The following ANXA3 variants were observed in gnomAD, a reference collection of about 807,000 sequenced individuals.
ANXA3 encodes the protein 35-alpha calcimedin.
In ANXA3, 46 loss-of-function variants were observed where a neutral mutation model predicts 48.8. The ratio of observed to expected loss-of-function variants is 0.94; its 90% confidence interval spans 0.74 to 1.21. The LOEUF is 1.21. Among genes scored for constraint, ANXA3 ranks in the 50% most tolerant of loss-of-function variants. ANXA3 has a pLI of 0.00. For missense variants in ANXA3, 383 were observed against 378.6 expected (o/e 1.01, Z -0.10); for synonymous variants, 128 against 134.7 (o/e 0.95, Z 0.35).
chr4:78,598,754 G>T (rs1020037982), intron 10 of ANXA3, among the ~76,000 whole-genome samples: 3 of 151,858 alleles, frequency 2.0e-5, no homozygotes, highest in Non-Finnish European at 4.4e-5. Context: ...TGGCCGGGGT[G>T]GTCTCAAATT....
intron 2 of ANXA3, among the ~76,000 whole-genome samples, chr4:78,564,383 G>C (rs1189566995): frequency 6.6e-6 from 1 of 152,164 alleles, no homozygotes; most frequent in African/African-American, 2.4e-5. Context: ...CAACTCATCG[G>C]GCAGCCAACC....
intron 11 of ANXA3, 161 bp downstream of exon 11, chr4:78,601,729 C>G: frequency 1.8e-6 from 1 of 542,690 alleles, no homozygotes; most frequent in Non-Finnish European, 3.2e-6. Flanking sequence ...ACAATACACT[C>G]TTTACACAGA....
At chr4:78,552,067 G>A (rs1426001279) in intron 1 of ANXA3, 3 of 152,366 alleles carry the variant, frequency 2.0e-5, no homozygotes, top group African/African-American at 7.2e-5. Flanking sequence ...TTTCAGAGTC[G>A]AGGAGACTGG....
intron 2 of ANXA3, among the ~76,000 whole-genome samples, chr4:78,565,011 T>C (rs1316851163): frequency 1.7e-5 from 2 of 114,368 alleles, no homozygotes; most frequent in African/African-American, 7.0e-5. Context: ...TTTTTTTTTT[T>C]GAGATGGAGT....
At chr4:78,588,195 C>T (rs1303356344) in intron 6 of ANXA3, among the ~76,000 whole-genome samples, 1 of 151,996 alleles carries the variant, frequency 6.6e-6, no homozygotes, top group African/African-American at 2.4e-5. Flanking sequence ...AGTTTAAGAC[C>T]AGCCCAGGCA....
chr4:78,598,829 C>A (rs1723480307), intron 10 of ANXA3, among the ~76,000 whole-genome samples: 1 of 151,806 alleles, frequency 6.6e-6, no homozygotes, highest in Admixed American at 6.5e-5. Context: ...CTTGAGCCAC[C>A]ACCCCTGGCC....
intron 3 of ANXA3, 135 bp downstream of exon 3, chr4:78,573,402 G>A (rs777852494): frequency 1.8e-5 from 12 of 651,704 alleles, no homozygotes; most frequent in African/African-American, 9.2e-5. Flanking sequence ...GTGAAATAAC[G>A]AGGAAATATA....
At chr4:78,582,712 T>G (rs557616768) in intron 5 of ANXA3, among the ~76,000 whole-genome samples, 2 of 152,342 alleles carry the variant, frequency 1.3e-5, no homozygotes, top group African/African-American at 4.8e-5. Flanking sequence ...CCATTGCTAC[T>G]GTTCTAGTCT....
At chr4:78,609,350 T>A (rs1723710828) in intron 12 of ANXA3, among the ~76,000 whole-genome samples, 1 of 152,220 alleles carries the variant, frequency 6.6e-6, no homozygotes, top group African/African-American at 2.4e-5. Flanking sequence ...AAGTTTTACC[T>A]CCTGTGAAGT....
intron 10 of ANXA3, 75 bp from the exon 11 acceptor site, chr4:78,601,435 A>G: frequency 2.1e-6 from 3 of 1,407,864 alleles, no homozygotes; most frequent in Non-Finnish European, 3.0e-6. Flanking sequence ...AATCTTTTTA[A>G]AAAACATATT....
intron 12 of ANXA3, among the ~76,000 whole-genome samples, chr4:78,608,326 A>G (rs1476418045): frequency 6.6e-6 from 1 of 152,212 alleles, no homozygotes; most frequent in Non-Finnish European, 1.5e-5. Flanking sequence ...TAAGGGAGCC[A>G]GTAGAACATT....
chr4:78,586,589 C>A (rs1389746567), intron 6 of ANXA3, among the ~76,000 whole-genome samples: 3 of 152,204 alleles, frequency 2.0e-5, no homozygotes, highest in Admixed American at 2.0e-4. Flanking sequence ...AATATTACAG[C>A]TGCAGTGGAT....
In ANXA3 at chr4:78,586,280, T is replaced by C; in HGVS notation, c.333T>C (p.Asp111=). 1 of 1,613,754 alleles carries C rather than the reference T, an allele frequency of 6.2e-7. No homozygotes were observed. The highest frequency in any genetic ancestry group is 8.5e-7 in the Non-Finnish European group (1 of 1,179,782). The change falls in exon 6 of 13, where the codon GAT becomes GAC. Residue 111 remains aspartate (D), a synonymous_variant. Transcript: ENST00000264908. The part of the protein sequence containing the change: ...KSMKGAGTNE[D]ALIEILTTRT... ...TTTAGGGCGCGGGAACAAACGAAGA[T>C]GCCTTGATTGAAATCTTAACTACCA...
chr4:78,559,881 A>G (rs967314073), intron 2 of ANXA3, among the ~76,000 whole-genome samples: 1 of 152,238 alleles, frequency 6.6e-6, no homozygotes, highest in African/African-American at 2.4e-5. Flanking sequence ...TGAGCACTCA[A>G]TAAATGTTAG....
rs142560333 is a variant in ANXA3 at position 78,586,285 on chromosome 4, T to A, written c.338T>A (p.Leu113Ter). 6.2e-7 allele frequency: 1 copy of A among 1,613,776 alleles called. No homozygotes were observed. The highest frequency in any genetic ancestry group is 8.5e-7 in the Non-Finnish European group (1 of 1,179,808). The change falls in exon 6 of 13, where the codon TTG (leucine) becomes TAG (stop). Residue 113 changes from leucine (L) to a stop codon, truncating the protein, a stop_gained. Coordinates refer to ENST00000264908, the MANE Select transcript of ANXA3 (RefSeq NM_005139.3). LOFTEE classifies it high-confidence loss of function. ...GGCGCGGGAACAAACGAAGATGCCT[T>A]GATTGAAATCTTAACTACCAGGACA... is the stretch of plus-strand genomic sequence containing the variant. ...MKGAGTNEDA[L>*]IEILTTRTSR...
intron 6 of ANXA3, among the ~76,000 whole-genome samples, chr4:78,587,200 T>C (rs1723197130): frequency 6.6e-6 from 1 of 152,242 alleles, no homozygotes; most frequent in Admixed American, 6.5e-5. Context: ...TTGGTAGCCT[T>C]AGTTTTTATT....
chr4:78,579,164 T>C (rs1390113438), intron 4 of ANXA3, 43 bp downstream of exon 4: 3 of 1,396,930 alleles, frequency 2.1e-6, no homozygotes, highest in Non-Finnish European at 3.0e-6. Context: ...AGATCATTAA[T>C]GTACCATGGT....
intron 2 of ANXA3, among the ~76,000 whole-genome samples, chr4:78,558,371 A>T (rs933645744): frequency 2.0e-5 from 3 of 152,236 alleles, no homozygotes; most frequent in Non-Finnish European, 4.4e-5. Flanking sequence ...AAGATGGTAA[A>T]AACCCTCAGA....
chr4:78,561,431 A>G (rs980436605), intron 2 of ANXA3, among the ~76,000 whole-genome samples: 1 of 152,188 alleles, frequency 6.6e-6, no homozygotes, highest in Non-Finnish European at 1.5e-5. Flanking sequence ...TCTGTCCCAT[A>G]GAAGACACCA....
Sources: gnomAD v4.1 joint callset for allele counts (sites outside exome capture counted in the v4.1 genomes callset) on GRCh38, gnomAD v4.1.1 for gene constraint, MANE v1.5 for transcripts, NCBI Gene and HGNC (gene_info 2026-07-23, HGNC 2026-07-21) for gene names.